The following LTBP1 variants were observed in gnomAD, a reference collection of about 807,000 sequenced individuals.
The protein encoded by LTBP1 is latent-transforming growth factor beta-binding protein 1.
In LTBP1, 129 loss-of-function variants were observed where a neutral mutation model predicts 207.6. The observed-to-expected ratio is 0.62, with a 90% CI of 0.54 to 0.72. The LOEUF is 0.72. LTBP1 is among the 30% of genes least tolerant of loss of function. The pLI is 0.00. For synonymous variants in LTBP1, 963 were observed against 833.7 expected, an observed-to-expected ratio of 1.16 and a Z score of -2.67; for missense variants, 2,281 against 2,217.2, an observed-to-expected ratio of 1.03 and a Z score of -0.58.
intron 3 of LTBP1, among the ~76,000 whole-genome samples, chr2:33,089,925 A>G (rs1267209125): frequency 6.6e-6 from 1 of 152,250 alleles, no homozygotes; most frequent in Non-Finnish European, 1.5e-5. Context: ...TACAACAGCC[A>G]CACAAGAATG....
chr2:33,343,579 G>A (rs2094660432), intron 25 of LTBP1, among the ~76,000 whole-genome samples: 1 of 152,202 alleles, frequency 6.6e-6, no homozygotes, highest in Non-Finnish European at 1.5e-5. Context: ...AGTCTGGTGT[G>A]TGGTATAGAT....
intron 3 of LTBP1, among the ~76,000 whole-genome samples, chr2:33,027,937 A>G (rs1468860394): frequency 6.6e-6 from 1 of 152,226 alleles, no homozygotes; most frequent in Admixed American, 6.5e-5. Context: ...TTCCTAATCC[A>G]TGAAAACCAT....
At chr2:33,048,333 G>A (rs77047930) in intron 3 of LTBP1, among the ~76,000 whole-genome samples, 5,870 of 152,234 alleles carry the variant, frequency 0.039, 196 homozygotes, top group Non-Finnish European at 0.066. Context: ...GAGGATTCTG[G>A]GAGTGCAGTA....
chr2:33,133,769 G>T (rs2081962309), intron 4 of LTBP1, among the ~76,000 whole-genome samples: 1 of 152,212 alleles, frequency 6.6e-6, no homozygotes, highest in Non-Finnish European at 1.5e-5. Context: ...ACCTCTGATA[G>T]AGACGTTGAA....
intron 3 of LTBP1, among the ~76,000 whole-genome samples, chr2:33,057,914 C>T (rs2077084122): frequency 6.6e-6 from 1 of 152,262 alleles, no homozygotes. Flanking sequence ...CAAGCACGGC[C>T]AGAATGGGCG....
chr2:33,089,585 C>A (rs2078962007), intron 3 of LTBP1, among the ~76,000 whole-genome samples: 1 of 152,182 alleles, frequency 6.6e-6, no homozygotes, highest in Admixed American at 6.5e-5. Context: ...GCTGAGAAAC[C>A]CTGTCCTAGT....
chr2:33,311,947 T>C (rs1260804136), intron 23 of LTBP1, among the ~76,000 whole-genome samples: 1 of 152,208 alleles, frequency 6.6e-6, no homozygotes, highest in African/African-American at 2.4e-5. Context: ...TAAATCCAAA[T>C]AAATGAGAAG....
chr2:33,251,359 A>G (rs2092678410), intron 10 of LTBP1, among the ~76,000 whole-genome samples: 1 of 152,164 alleles, frequency 6.6e-6, no homozygotes, highest in African/African-American at 2.4e-5. Context: ...GTCCTCCCCT[A>G]AAAGAGATGC....
chr2:32,962,419 A>G (rs1679271532), intron 2 of LTBP1, among the ~76,000 whole-genome samples: 1 of 152,228 alleles, frequency 6.6e-6, no homozygotes. Context: ...AGTAAATTAA[A>G]GGTAGAGACT....
intron 26 of LTBP1, among the ~76,000 whole-genome samples, chr2:33,354,609 T>C (rs2094830095): frequency 2.0e-5 from 3 of 151,962 alleles, no homozygotes; most frequent in South Asian, 2.1e-4. Context: ...CCTAAAGTCA[T>C]ATCTGAGTTT....
intron 3 of LTBP1, among the ~76,000 whole-genome samples, chr2:33,045,806 G>C (rs951146810): frequency 6.6e-6 from 1 of 152,120 alleles, no homozygotes; most frequent in Non-Finnish European, 1.5e-5. Flanking sequence ...GCGGTTTGTA[G>C]TTCTCCTTGA....
At position 33,217,534 on chromosome 2, in the gene LTBP1, C is replaced by T; in HGVS notation, c.1702-18C>T. The T allele has an allele frequency of 6.3e-7, 1 of 1,588,606 alleles. No homozygotes were observed. The highest frequency in any genetic ancestry group is 8.6e-7 in the Non-Finnish European group (1 of 1,157,206). On this transcript the variant is annotated intron_variant, in intron 7 of 33. Transcript: ENST00000404816. Reference sequence around the variant, plus strand: ...CTGCACTCAATTAACCTTCATATTTCACACCTAATCATTGCAGTGTGGCAA... The same window carrying T: ...CTGCACTCAATTAACCTTCATATTTTACACCTAATCATTGCAGTGTGGCAA...
Position 33,294,664 on chromosome 2 carries a change from C to T in LTBP1, c.3235+1382C>T, listed in dbSNP as rs184950080. ...TACGATCTTGGCTCACTGCAACCTC[C>T]GCCTCCCAGGTTCAAGCGATTCTCC... is the stretch of plus-strand genomic sequence containing the variant. On this transcript the variant is annotated intron_variant, in intron 20 of 33. Transcript: ENST00000404816. 1.8e-3 allele frequency among the ~76,000 whole-genome samples: 263 copies of T among 149,170 alleles called. 1 individual carries two copies. The highest frequency in any genetic ancestry group is 6.0e-3 in the African/African-American group (240 of 40,320).
Position 33,128,954 on chromosome 2 carries a change from C to T in LTBP1, c.1034-5839C>T, listed in dbSNP as rs145959067. Among the ~76,000 whole-genome samples, 3 of 152,248 alleles carry T rather than the reference C, an allele frequency of 2.0e-5. No homozygotes were observed. The East Asian group carries it at 5.8e-4, about 29-fold the overall frequency. Reference sequence around the variant, plus strand: ...TTCTCTTAACATTCAGAATTAGGAACAGAGAAGGGATTGCCAGATGTGTTC... The same window carrying T: ...TTCTCTTAACATTCAGAATTAGGAATAGAGAAGGGATTGCCAGATGTGTTC... On this transcript the variant is annotated intron_variant, in intron 4 of 33. Transcript: ENST00000404816.
chr2:33,059,895 C>A (rs150505690), intron 3 of LTBP1, among the ~76,000 whole-genome samples: 26 of 152,290 alleles, frequency 1.7e-4, no homozygotes, highest in Non-Finnish European at 3.2e-4. Flanking sequence ...ACTTTAGATA[C>A]ATCTATGGCA....
chr2:33,219,372 G>A (rs1344357714), intron 8 of LTBP1, among the ~76,000 whole-genome samples: 1 of 152,096 alleles, frequency 6.6e-6, no homozygotes, highest in Non-Finnish European at 1.5e-5. Context: ...AATTATTTTG[G>A]CAACCTGACC....
chr2:33,325,666 A>C (rs1399373684), intron 24 of LTBP1, among the ~76,000 whole-genome samples: 3 of 152,240 alleles, frequency 2.0e-5, no homozygotes, highest in African/African-American at 7.2e-5. Context: ...TGTATATTTC[A>C]CATTTATCTT....
chr2:32,963,796 C>T (rs921003503), intron 2 of LTBP1, among the ~76,000 whole-genome samples: 42 of 152,252 alleles, frequency 2.8e-4, no homozygotes, highest in African/African-American at 1.0e-3. Context: ...ATTGGAACCC[C>T]TGGTAGTAGA....
chr2:33,063,939 T>C (rs148609788), intron 3 of LTBP1, among the ~76,000 whole-genome samples: 14,776 of 151,894 alleles, frequency 0.097, 952 homozygotes, highest in Non-Finnish European at 0.14. Context: ...CTGCAACCTC[T>C]GCCTCCCAGG....
Sources: gnomAD v4.1 joint callset for allele counts (sites outside exome capture counted in the v4.1 genomes callset) on GRCh38, gnomAD v4.1.1 for gene constraint, MANE v1.5 for transcripts, NCBI Gene and HGNC (gene_info 2026-07-23, HGNC 2026-07-21) for gene names.